The following CCDC102B variants were observed in gnomAD, a reference collection of about 807,000 sequenced individuals.
CCDC102B encodes the protein coiled-coil domain containing 102B.
CCDC102B carries 75 observed loss-of-function variants against 57.4 expected under a neutral mutation model. The observed-to-expected ratio is 1.31, with a 90% CI of 1.08 to 1.58. The LOEUF is 1.58. Among genes scored for constraint, CCDC102B ranks in the 40% most tolerant of loss-of-function variants. The pLI is 0.00. For synonymous variants in CCDC102B, 206 were observed against 201.9 expected (o/e 1.02, Z -0.17); for missense variants, 636 against 582.6 (o/e 1.09, Z -0.94).
intron 2 of CCDC102B, among the ~76,000 whole-genome samples, chr18:68,784,353 A>C (rs1162527581): frequency 6.6e-6 from 1 of 151,078 alleles, no homozygotes; most frequent in Non-Finnish European, 1.5e-5. Context: ...ACCAGATCTC[A>C]CGAGAATTCT....
At chr18:68,790,831 A>C (rs542749841) in intron 2 of CCDC102B, among the ~76,000 whole-genome samples, 1 of 152,172 alleles carries the variant, frequency 6.6e-6, no homozygotes, top group Non-Finnish European at 1.5e-5. Context: ...AGCTGTTCCT[A>C]TTCAGCCATC....
chr18:69,020,946 A>G (rs1035188158), intron 7 of CCDC102B, among the ~76,000 whole-genome samples: 2 of 152,214 alleles, frequency 1.3e-5, no homozygotes, highest in Non-Finnish European at 2.9e-5. Flanking sequence ...ACAAGATAGT[A>G]TTGAGGCTCT....
chr18:68,853,552 G>A (rs765443869), intron 4 of CCDC102B, among the ~76,000 whole-genome samples: 40 of 151,398 alleles, frequency 2.6e-4, no homozygotes, highest in Middle Eastern at 3.4e-3. Context: ...ATGTTTTCTA[G>A]ATTTTTATTA....
In CCDC102B at chr18:69,026,470, A is replaced by G. The variant is rs1488922197; in HGVS notation, c.1434+15366A>G. Among the ~76,000 whole-genome samples, 11 of 151,920 alleles carry G rather than the reference A, an allele frequency of 7.2e-5. No individual in the cohort carries two copies. In the South Asian group the frequency reaches 2.3e-3, roughly 32 times the overall value. On this transcript the variant is annotated intron_variant, in intron 7 of 7. Coordinates refer to ENST00000360242, the MANE Select transcript of CCDC102B (RefSeq NM_024781.3). ...TGAACCCTGTCTCAAAAAAAAAAAA[A>G]AAAAAACCCCAGAGAAATCCAGTGT...
At chr18:68,818,532 C>G (rs524088) in intron 1 of CCDC102B, among the ~76,000 whole-genome samples, 148,818 of 152,248 alleles carry the variant, frequency 0.98, 72,817 homozygotes, top group East Asian at 1. Context: ...TTCATGCCTT[C>G]CTCCTGTCAT....
At chr18:68,951,805 C>CAA (rs5825888) in intron 6 of CCDC102B, among the ~76,000 whole-genome samples, 2 of 130,256 alleles carry the variant, frequency 1.5e-5, no homozygotes, top group African/African-American at 5.6e-5. Flanking sequence ...GAGACCCTGT[C>CAA]AAAAAAAAAA....
At chr18:68,734,635 AT>A (rs1319985932) in intron 2 of CCDC102B, 7 of 152,168 alleles carry the variant, frequency 4.6e-5, no homozygotes, top group South Asian at 2.1e-4. Flanking sequence ...ATCCTTGTTT[AT>A]TTTTTTCATA....
rs1190860431 is a variant in CCDC102B, at chr18:69,054,696, A to G, written c.*559A>G. 1.0e-6 allele frequency: 1 copy of G among 984,174 alleles called. No homozygotes were observed. Among genetic ancestry groups the G allele is most frequent in the Non-Finnish European group, 1.2e-6 (1 of 828,814 alleles). 61.0% of individuals were successfully genotyped at this position (984,174 alleles called of 1,614,324 possible). On this transcript the variant is annotated 3_prime_UTR_variant, in exon 8 of 8. Coordinates refer to ENST00000360242, the MANE Select transcript of CCDC102B (RefSeq NM_024781.3). ...ACAGAAGTGAGCAGATGAATCAGAA[A>G]AAAGTGTTTTGTATTTTAAAGTAAC...
chr18:68,852,485 C>T (rs1282651459), intron 4 of CCDC102B, among the ~76,000 whole-genome samples: 1 of 152,166 alleles, frequency 6.6e-6, no homozygotes, highest in Non-Finnish European at 1.5e-5. Context: ...ATCTACATTA[C>T]TTATAATTCC....
rs1382661500 is a variant in CCDC102B, at chr18:68,975,924, C to T, written c.1264-35010C>T. Among the ~76,000 whole-genome samples, 4 of 150,680 alleles carry T rather than the reference C, an allele frequency of 2.7e-5. No individual in the cohort carries two copies. The South Asian group carries it at 6.3e-4, about 24-fold the overall frequency. ...TCACAATCAATATTTTTTTCTTACT[C>T]CTGGGGATAATTAGCCTTTATTAGT... On this transcript the variant is annotated intron_variant, in intron 6 of 7. Transcript: ENST00000360242.
intron 1 of CCDC102B, among the ~76,000 whole-genome samples, chr18:68,832,195 T>A (rs1174662394): frequency 1.3e-5 from 2 of 152,308 alleles, no homozygotes; most frequent in East Asian, 1.9e-4. Context: ...CTTTTTAATG[T>A]CTCTTTTATC....
intron 6 of CCDC102B, among the ~76,000 whole-genome samples, chr18:68,904,906 T>C (rs1366205653): frequency 6.6e-6 from 1 of 152,200 alleles, no homozygotes; most frequent in Non-Finnish European, 1.5e-5. Context: ...TATGTTTTGC[T>C]AAAATCATGA....
At chr18:69,004,854 T>G (rs1037616554) in intron 6 of CCDC102B, among the ~76,000 whole-genome samples, 8 of 152,146 alleles carry the variant, frequency 5.3e-5, no homozygotes, top group Non-Finnish European at 7.3e-5. Flanking sequence ...ATATCAACAC[T>G]ATAGACAATA....
Position 68,979,256 on chromosome 18 carries a change from A to T in CCDC102B, c.1264-31678A>T, listed in dbSNP as rs1028384423. ...CAACATGCTATTCAGTGGTACTGAAAGCATTTTCAAATAGGCAAACAGGTT... is the reference window on the plus strand; with the variant it reads ...CAACATGCTATTCAGTGGTACTGAATGCATTTTCAAATAGGCAAACAGGTT... On this transcript the variant is annotated intron_variant, in intron 6 of 7. Coordinates refer to ENST00000360242, the MANE Select transcript of CCDC102B (RefSeq NM_024781.3). 3.3e-5 allele frequency among the ~76,000 whole-genome samples: 5 copies of T among 152,022 alleles called. No homozygotes were observed. In the East Asian group the frequency reaches 9.6e-4, roughly 29 times the overall value.
At chr18:68,774,105 G>C (rs1007739332) in intron 2 of CCDC102B, among the ~76,000 whole-genome samples, 2 of 151,872 alleles carry the variant, frequency 1.3e-5, no homozygotes, top group African/African-American at 4.8e-5. Flanking sequence ...AGGCACCTTT[G>C]AAGTTATAAT....
chr18:69,051,095 G>A (rs2052693870), intron 7 of CCDC102B, among the ~76,000 whole-genome samples: 2 of 152,052 alleles, frequency 1.3e-5, no homozygotes, highest in African/African-American at 4.8e-5. Context: ...ACATTGTCCA[G>A]GCAGGTCTTG....
intron 5 of CCDC102B, among the ~76,000 whole-genome samples, chr18:68,891,245 C>T (rs1041208180): frequency 3.3e-5 from 5 of 152,096 alleles, no homozygotes; most frequent in African/African-American, 9.7e-5. Flanking sequence ...AACATCTATC[C>T]CACTGGATAT....
At chr18:68,846,906 C>A (rs1037554022) in intron 4 of CCDC102B, among the ~76,000 whole-genome samples, 2 of 151,652 alleles carry the variant, frequency 1.3e-5, no homozygotes, top group African/African-American at 4.8e-5. Context: ...CTTTTCATAT[C>A]GACATTGTAG....
At chr18:68,953,200 C>T (rs887247574) in intron 6 of CCDC102B, among the ~76,000 whole-genome samples, 2 of 151,980 alleles carry the variant, frequency 1.3e-5, no homozygotes, top group African/African-American at 2.4e-5. Flanking sequence ...TTATAATATA[C>T]ATTTGGGACA....
Sources: allele counts gnomAD v4.1 joint callset (sites outside exome capture counted in the v4.1 genomes callset), GRCh38; gene constraint gnomAD v4.1.1; transcripts MANE v1.5; gene names NCBI Gene and HGNC (gene_info 2026-07-23, HGNC 2026-07-21).